Variants in GSTA5 observed in about 807,000 individuals in gnomAD.
GSTA5 encodes glutathione S-transferase A5.
GSTA5 carries 25 observed loss-of-function variants against 21.8 expected under a neutral mutation model. The observed-to-expected ratio is 1.14, with a 90% CI of 0.83 to 1.60. The LOEUF (loss-of-function observed/expected upper bound fraction) is 1.60, where lower values mean the gene tolerates loss of function less well. GSTA5 is among the 40% of genes most tolerant of loss of function. The pLI is 0.00. For missense variants in GSTA5, 330 were observed against 259.2 expected (o/e 1.27, Z -1.88); for synonymous variants, 102 against 89.5 (o/e 1.14, Z -0.78).
chr6:52,845,996 T>C, the GSTA5 span: 1 of 155,396 alleles, frequency 6.4e-6, no homozygotes, highest in African/African-American at 2.4e-5. Flanking sequence ...TTAGCATATT[T>C]TTCTGGGAGG....
the GSTA5 span, among the ~76,000 whole-genome samples, chr6:52,845,873 G>A: frequency 6.6e-6 from 1 of 151,988 alleles, no homozygotes; most frequent in Non-Finnish European, 1.5e-5. Flanking sequence ...TTACATTTCT[G>A]TAAAGATGTA....
At chr6:52,832,405 A>C (rs1398595321) in intron 5 of GSTA5, among the ~76,000 whole-genome samples, 1 of 152,200 alleles carries the variant, frequency 6.6e-6, no homozygotes, top group Non-Finnish European at 1.5e-5. Context: ...ATACAGTGTC[A>C]GGGGCAGAGT....
At chr6:52,832,830 C>T (rs777476817) in intron 5 of GSTA5, 29 bp downstream of exon 5, 1 of 1,613,344 alleles carries the variant, frequency 6.2e-7, no homozygotes, top group Non-Finnish European at 8.5e-7. Context: ...AGATGTGGGG[C>T]TGTCTCTCTG....
intron 3 of GSTA5, among the ~76,000 whole-genome samples, chr6:52,834,909 T>G (rs1162879937): frequency 6.6e-6 from 1 of 152,154 alleles, no homozygotes; most frequent in East Asian, 1.9e-4. Flanking sequence ...AGAATCCCCT[T>G]CCCCGGTGAA....
In GSTA5 at chr6:52,837,628, A is replaced by C; in HGVS notation, c.88-19T>G. ...CTTCCAACTGGAAGCAGAAACAGTA[A>C]ATGGGTTCTTCTTAGTTAATTCTAT... On this transcript the variant is annotated intron_variant, in intron 1 of 5. Transcript: ENST00000370989. The C allele has an allele frequency of 6.3e-7, 1 of 1,580,236 alleles. No homozygotes were observed. The highest frequency in any genetic ancestry group is 8.7e-7 in the Non-Finnish European group (1 of 1,150,552).
chr6:52,836,267 G>A (rs1359924281), exon 3 of GSTA5: 1 of 1,613,838 alleles, frequency 6.2e-7, no homozygotes, highest in South Asian at 1.1e-5. Context: ...TTCCCATAAA[G>A]GTTGTATTTG....
At chr6:52,836,079 C>A (rs916297186) in intron 3 of GSTA5, among the ~76,000 whole-genome samples, 157 bp downstream of exon 3, 5 of 152,220 alleles carry the variant, frequency 3.3e-5, no homozygotes, top group African/African-American at 1.2e-4. Context: ...ACTGTTCCCT[C>A]ATCTCCATGG....
upstream of GSTA5, among the ~76,000 whole-genome samples, chr6:52,842,062 C>T (rs1379071054): frequency 6.6e-6 from 1 of 152,218 alleles, no homozygotes; most frequent in Non-Finnish European, 1.5e-5. Context: ...TGTGCACGCT[C>T]ACCTGCTTGT....
chr6:52,842,403 T>C (rs1764389432), upstream of GSTA5, among the ~76,000 whole-genome samples: 1 of 52,858 alleles, frequency 1.9e-5, no homozygotes, highest in Non-Finnish European at 4.0e-5. Flanking sequence ...AACTAATGTA[T>C]TTCTTTTTTT....
At chr6:52,842,800 A>C (rs570787259), upstream of GSTA5, among the ~76,000 whole-genome samples, 6 of 152,254 alleles carry the variant, frequency 3.9e-5, no homozygotes, top group Non-Finnish European at 8.8e-5. Flanking sequence ...TGTGCAAAAC[A>C]TGCAGGTTTG....
At chr6:52,838,264 A>G (rs6917193) in intron 1 of GSTA5, among the ~76,000 whole-genome samples, 142,366 of 152,268 alleles carry the variant, frequency 0.93, 66,667 homozygotes, top group Admixed American at 0.96. Flanking sequence ...TGTGGGTTCA[A>G]TATCACCATT....
upstream of GSTA5, among the ~76,000 whole-genome samples, chr6:52,843,582 G>A (rs942284498): frequency 3.3e-5 from 5 of 152,134 alleles, no homozygotes; most frequent in Non-Finnish European, 7.4e-5. Flanking sequence ...TTTAAAATGT[G>A]GGAGTCAATA....
rs144847335 is a variant in GSTA5, at chr6:52,836,428, G to T, written c.140-60C>A. The T allele has an allele frequency of 7.3e-4, 1,111 of 1,512,116 alleles. 15 individuals are homozygous for T. The South Asian group carries it at 0.012, about 17-fold the overall frequency. The allele number at this position is 1,512,116 out of a possible 1,614,324, so 93.7% of individuals were successfully genotyped here. A position where few individuals can be genotyped will look rare whatever the true frequency, so the allele number is the denominator to read the frequency against. ...TCTATGAAACCCACCCTTTTGGGAT[G>T]AAAAAAATGGTTATGGAAATGACTA... On this transcript the variant is annotated intron_variant, in intron 2 of 5. Transcript: ENST00000370989.
chr6:52,832,990 C>T (rs1764239361), exon 5 of GSTA5: 1 of 1,613,874 alleles, frequency 6.2e-7, no homozygotes, highest in African/African-American at 1.3e-5. Flanking sequence ...CTCTTTAAGA[C>T]CTGGAGAATT....
chr6:52,845,321 A>G (rs1234354636), upstream of GSTA5, among the ~76,000 whole-genome samples: 1 of 152,132 alleles, frequency 6.6e-6, no homozygotes, highest in Admixed American at 6.5e-5. Context: ...TCCAGAGGAC[A>G]TTGAGCAAGG....
At chr6:52,841,034 A>G (rs1228644972), upstream of GSTA5, among the ~76,000 whole-genome samples, 9 of 152,156 alleles carry the variant, frequency 5.9e-5, no homozygotes, top group Non-Finnish European at 1.5e-5. Context: ...TCAAGTCTTC[A>G]TTGTTTACCT....
At chr6:52,834,431 T>A in intron 3 of GSTA5, 149 bp from the exon 4 acceptor site, 1 of 686,596 alleles carries the variant, frequency 1.5e-6, no homozygotes, top group South Asian at 1.9e-5. Flanking sequence ...ATGCTCTGAG[T>A]TTTACAGGTA....
Position 52,840,703 on chromosome 6 carries a change from A to G in GSTA5, c.87+24T>C, listed in dbSNP as rs199565579. ...GATAACGCAATTTTAAATCCAACTT[A>G]AGATGACCTTACTCAGAACCTACCT... On this transcript the variant is annotated intron_variant, in intron 1 of 5. Transcript: ENST00000370989. The G allele has an allele frequency of 1.5e-3, 2,422 of 1,602,044 alleles. 1 individual carries two copies. Among genetic ancestry groups the G allele is most frequent in the Non-Finnish European group, 1.9e-3 (2,247 of 1,169,644 alleles).
At chr6:52,841,715 T>C (rs1764379370), upstream of GSTA5, among the ~76,000 whole-genome samples, 1 of 152,364 alleles carries the variant, frequency 6.6e-6, no homozygotes, top group Non-Finnish European at 1.5e-5. Context: ...TTCTCTCATT[T>C]TGTCCTACAA....
Sources: gnomAD v4.1 joint callset for allele counts (sites outside exome capture counted in the v4.1 genomes callset) on GRCh38, gnomAD v4.1.1 for gene constraint, MANE v1.5 for transcripts, NCBI Gene and HGNC (gene_info 2026-07-23, HGNC 2026-07-21) for gene names.